The following STX3 variants were observed in gnomAD, a reference collection of about 807,000 sequenced individuals.
STX3 encodes syntaxin 3.
A neutral mutation model predicts 40.2 loss-of-function variants in STX3; 19 were observed. That is an observed-to-expected ratio of 0.47 (90% confidence interval 0.33 to 0.69). The LOEUF (loss-of-function observed/expected upper bound fraction) is 0.69. STX3 is among the 30% of genes least tolerant of loss of function. The pLI is 0.02. For missense variants in STX3, 364 were observed against 366.7 expected, an observed-to-expected ratio of 0.99 and a Z score of 0.06; for synonymous variants, 122 against 132.2, an observed-to-expected ratio of 0.92 and a Z score of 0.53.
intron 1 of STX3, among the ~76,000 whole-genome samples, chr11:59,761,748 G>T (rs1863050060): frequency 6.6e-6 from 1 of 151,938 alleles, no homozygotes; most frequent in Non-Finnish European, 1.5e-5. Context: ...CACCTAAAGA[G>T]ATTAGTGGAG....
intron 1 of STX3, among the ~76,000 whole-genome samples, chr11:59,769,200 C>G (rs755820916): frequency 6.6e-6 from 1 of 152,094 alleles, no homozygotes; most frequent in Admixed American, 6.5e-5. Context: ...GTATAGAGCC[C>G]TGGCCATTAT....
chr11:59,799,600 T>G (rs2135046541), intron 10 of STX3: 1 of 962,496 alleles, frequency 1.0e-6, no homozygotes, highest in Middle Eastern at 5.3e-4. Flanking sequence ...ATAACAGGTA[T>G]AAACATTTTT....
rs542902453 is a variant in STX3 at position 59,758,911 on chromosome 11, C to T, written c.30+3276C>T. ...TGGTGATAAACGCATGTTCCTGGCC[C>T]TTAGAAAGTTCATGGTCAGGTAGGA... On this transcript the variant is annotated intron_variant, in intron 1 of 10. Transcript: ENST00000337979. Among the ~76,000 whole-genome samples, 165 of 152,250 alleles carry T rather than the reference C, an allele frequency of 1.1e-3. 1 individual carries two copies. The highest frequency in any genetic ancestry group is 3.4e-3 in the Middle Eastern group (1 of 292).
At chr11:59,793,231 G>A in intron 7 of STX3, 59 bp downstream of exon 7, 3 of 1,608,714 alleles carry the variant, frequency 1.9e-6, no homozygotes, top group Non-Finnish European at 2.5e-6. Context: ...GGCCACTGCG[G>A]AGCTCATGCA....
chr11:59,800,526 C>T (rs1865827564), intron 10 of STX3: 2 of 985,274 alleles, frequency 2.0e-6, no homozygotes, highest in Admixed American at 6.1e-5. Context: ...TGCAGCCTGT[C>T]TTCAGGAGCG....
chr11:59,787,539 G>A (rs1455359973), intron 3 of STX3, among the ~76,000 whole-genome samples: 1 of 152,036 alleles, frequency 6.6e-6, no homozygotes, highest in African/African-American at 2.4e-5. Context: ...CTTTCCATGA[G>A]GTGTTCCAAA....
At chr11:59,790,411 A>G (rs1011546749) in intron 4 of STX3, 108 bp from the exon 5 acceptor site, 1 of 834,678 alleles carries the variant, frequency 1.2e-6, no homozygotes. Flanking sequence ...CCTACCTGTT[A>G]CATCTCCGTG....
At chr11:59,772,085 GA>G (rs1202356851) in intron 1 of STX3, among the ~76,000 whole-genome samples, 1 of 152,200 alleles carries the variant, frequency 6.6e-6, no homozygotes, top group African/African-American at 2.4e-5. Context: ...GTGGGTGAAG[GA>G]AAGAGGCTTC....
rs568166170 is a variant in STX3 at position 59,800,433 on chromosome 11, A to T, written c.*31-422A>T. ...ATAATATGACCCCTGAACTTTTTCC[A>T]TAGGCTTTTCATTGTGTCCTTCTGT... On this transcript the variant is annotated intron_variant, in intron 10 of 10. Transcript: ENST00000337979. 6.1e-6 allele frequency: 6 copies of T among 985,370 alleles called. No individual in the cohort carries two copies. The East Asian group carries it at 6.8e-4, about 112-fold the overall frequency. 61.0% of individuals were successfully genotyped at this position (985,370 alleles called of 1,614,324 possible). A position where few individuals can be genotyped will look rare whatever the true frequency, so the allele number is the denominator to read the frequency against.
At chr11:59,771,403 T>TCCCCCCCCCC (rs1367914976) in intron 1 of STX3, among the ~76,000 whole-genome samples, 38 of 34,608 alleles carry the variant, frequency 1.1e-3, no homozygotes, top group African/African-American at 1.7e-3. Flanking sequence ...TCCCCCCACC[T>TCCCCCCCCCC]CCCCCCCCCC....
At chr11:59,759,433 AG>A (rs1862915470) in intron 1 of STX3, among the ~76,000 whole-genome samples, 1 of 152,224 alleles carries the variant, frequency 6.6e-6, no homozygotes, top group Admixed American at 6.5e-5. Flanking sequence ...CGTCAAGTTT[AG>A]GCAGGATTGA....
chr11:59,777,079 C>A (rs144639772), intron 2 of STX3, among the ~76,000 whole-genome samples: 21 of 152,282 alleles, frequency 1.4e-4, no homozygotes, highest in African/African-American at 5.1e-4. Context: ...AGGATTCTCG[C>A]CCCCTGTTGT....
chr11:59,801,000 T>C lies in STX3; in HGVS notation c.*176T>C. The C allele has an allele frequency of 6.6e-7, 1 of 1,525,402 alleles. No homozygotes were observed. Among genetic ancestry groups the C allele is most frequent in the Non-Finnish European group, 8.8e-7 (1 of 1,140,792 alleles). The allele number at this position is 1,525,402 out of a possible 1,614,324, so 94.5% of individuals were successfully genotyped here. On this transcript the variant is annotated 3_prime_UTR_variant, in exon 11 of 11. Coordinates refer to ENST00000337979, the MANE Select transcript of STX3 (RefSeq NM_004177.5). ...CCTGACTCAGCTAACAATCTAGCCC[T>C]GGGGGAATGTGATCTACCTGATGCG...
rs1590839599 is a variant in STX3, at chr11:59,801,091, G to A, written c.*267G>A. ...TCTCAAGTACCTTTTCTCCTGGACT[G>A]TGTGGACCCACCCAGCTTTCTTCCT... On this transcript the variant is annotated 3_prime_UTR_variant, in exon 11 of 11. Transcript: ENST00000337979. 7 of 1,407,952 alleles carry A rather than the reference G, an allele frequency of 5.0e-6. No homozygotes were observed. The highest frequency in any genetic ancestry group is 5.1e-5 in the East Asian group (2 of 38,854). 87.2% of individuals were successfully genotyped at this position (1,407,952 alleles called of 1,614,324 possible). A position where few individuals can be genotyped will look rare whatever the true frequency, so the allele number is the denominator to read the frequency against.
chr11:59,771,601 A>G (rs544899894), intron 1 of STX3, among the ~76,000 whole-genome samples: 4 of 152,196 alleles, frequency 2.6e-5, no homozygotes, highest in Admixed American at 6.5e-5. Flanking sequence ...TTTAAGGGCT[A>G]AGGAAATGTT....
intron 2 of STX3, among the ~76,000 whole-genome samples, chr11:59,775,045 T>C (rs1863882145): frequency 6.6e-6 from 1 of 152,226 alleles, no homozygotes; most frequent in African/African-American, 2.4e-5. Context: ...AGAGAGAATG[T>C]GATGCTTCCC....
intron 3 of STX3, among the ~76,000 whole-genome samples, chr11:59,787,644 G>T (rs75228758): frequency 6.1e-4 from 93 of 152,156 alleles, no homozygotes; most frequent in African/African-American, 1.6e-3. Flanking sequence ...TGTTTGCATG[G>T]GTGTCCAACC....
chr11:59,768,374 G>C (rs181242525), intron 1 of STX3, among the ~76,000 whole-genome samples: 1 of 152,320 alleles, frequency 6.6e-6, no homozygotes, highest in East Asian at 1.9e-4. Flanking sequence ...AGTTGAGACT[G>C]CAACTCATTA....
intron 8 of STX3, among the ~76,000 whole-genome samples, chr11:59,793,954 C>G (rs1032984885): frequency 2.0e-5 from 3 of 151,992 alleles, no homozygotes; most frequent in Admixed American, 6.6e-5. Context: ...AATCAGAGAT[C>G]CGGGCTCCTA....
Sources: allele counts gnomAD v4.1 joint callset (sites outside exome capture counted in the v4.1 genomes callset), GRCh38; gene constraint gnomAD v4.1.1; transcripts MANE v1.5; gene names NCBI Gene and HGNC (gene_info 2026-07-23, HGNC 2026-07-21).